DAB1: variants seen among roughly 807,000 people sequenced by gnomAD.
The protein encoded by DAB1 is disabled homolog 1.
Under a neutral mutation model 64.6 loss-of-function variants are expected in DAB1, and 15 were observed. The ratio of observed to expected loss-of-function variants is 0.23; its 90% CI spans 0.16 to 0.36. The LOEUF is 0.36. Ranked by LOEUF, DAB1 falls within the 10% of genes least tolerant of loss-of-function variation. The probability of loss-of-function intolerance (pLI) is 1.00; values close to 1 mark genes in which losing one functional copy is unlikely to be tolerated. For missense variants in DAB1, 596 were observed against 706.7 expected, an observed-to-expected ratio of 0.84 and a Z score of 1.78; for synonymous variants, 235 against 251.9, an observed-to-expected ratio of 0.93 and a Z score of 0.64.
intron 1 of DAB1, among the ~76,000 whole-genome samples, chr1:57,421,905 G>GGGGGGGGGGGTGGC (rs1558356112): frequency 1.0e-5 from 1 of 100,492 alleles, no homozygotes; most frequent in African/African-American, 4.0e-5. Context: ...GGGGTGGCGG[G>GGGGGGGGGGGTGGC]GGGGGGGGTG....
chr1:57,406,927 A>G (rs538091941), intron 1 of DAB1, among the ~76,000 whole-genome samples: 6,783 of 152,316 alleles, frequency 0.045, 226 homozygotes, highest in Middle Eastern at 0.072. Context: ...ATGCATGCAG[A>G]ATTCAATTCT....
chr1:57,553,019 G>T (rs1404755314), intron 7 of DAB1, among the ~76,000 whole-genome samples: 8 of 151,990 alleles, frequency 5.3e-5, no homozygotes, highest in Non-Finnish European at 8.8e-5. Context: ...TCCCAGACTG[G>T]GTATGTACGT....
At chr1:57,725,165 G>A (rs998122203) in intron 6 of DAB1, among the ~76,000 whole-genome samples, 8 of 152,134 alleles carry the variant, frequency 5.3e-5, no homozygotes, top group African/African-American at 1.2e-4. Flanking sequence ...TTGGGAAAGC[G>A]ATAACAATAA....
chr1:57,175,248 T>C lies in DAB1; in HGVS notation c.68-29819A>G, dbSNP rs547926489. On this transcript the variant is annotated intron_variant, in intron 2 of 14. Transcript: ENST00000371236. The stretch of plus-strand genomic sequence containing the variant: ...AAAAAGATCTATAACTGGATGTACA[T>C]TTATATTTCCAGTTGAAATAAAATT... 4.6e-5 allele frequency among the ~76,000 whole-genome samples: 7 copies of C among 152,284 alleles called. No homozygotes were observed. In the South Asian group the frequency reaches 6.2e-4, roughly 14 times the overall value.
chr1:58,190,229 T>C (rs994467060), intron 4 of DAB1, among the ~76,000 whole-genome samples: 7 of 152,174 alleles, frequency 4.6e-5, no homozygotes, highest in Admixed American at 6.5e-5. Flanking sequence ...ATATGCCAGA[T>C]ATAAGAAAGA....
chr1:58,530,118 T>G (rs929845979), intron 1 of DAB1, among the ~76,000 whole-genome samples: 2 of 152,178 alleles, frequency 1.3e-5, no homozygotes, highest in African/African-American at 4.8e-5. Context: ...CCTGACTTCG[T>G]GATCCACCCA....
chr1:57,436,353 CCAT>C (rs1189426422), intron 7 of DAB1, among the ~76,000 whole-genome samples: 1 of 152,166 alleles, frequency 6.6e-6, no homozygotes, highest in Non-Finnish European at 1.5e-5. Flanking sequence ...TCTTATAGGA[CCAT>C]CATCATATGA....
chr1:58,406,229 A>G (rs1480337837), intron 3 of DAB1, among the ~76,000 whole-genome samples: 1 of 151,746 alleles, frequency 6.6e-6, no homozygotes. Flanking sequence ...TCAGCTCCCC[A>G]CTCTGTGACC....
At chr1:57,106,361 G>A (rs907288881) in intron 4 of DAB1, among the ~76,000 whole-genome samples, 5 of 151,356 alleles carry the variant, frequency 3.3e-5, no homozygotes, top group African/African-American at 7.3e-5. Flanking sequence ...TCTACACAGC[G>A]GGTGGAAGGA....
intron 5 of DAB1, among the ~76,000 whole-genome samples, chr1:57,927,473 T>C (rs894908978): frequency 5.9e-5 from 9 of 152,038 alleles, no homozygotes; most frequent in Non-Finnish European, 1.2e-4. Flanking sequence ...ATCGCACCAC[T>C]GCACTCCACC....
chr1:57,675,355 G>C (rs1311152869), intron 6 of DAB1, among the ~76,000 whole-genome samples: 1 of 152,190 alleles, frequency 6.6e-6, no homozygotes, highest in African/African-American at 2.4e-5. Flanking sequence ...CATAGAAACA[G>C]CACAGTAAAT....
intron 2 of DAB1, among the ~76,000 whole-genome samples, chr1:57,170,885 C>A (rs917781708): frequency 1.3e-5 from 2 of 152,264 alleles, no homozygotes; most frequent in South Asian, 2.1e-4. Context: ...CTTCAAAAAT[C>A]CAATCTCTGC....
At chr1:57,553,372 G>A (rs1644937129) in intron 7 of DAB1, among the ~76,000 whole-genome samples, 1 of 15,036 alleles carries the variant, frequency 6.7e-5, no homozygotes, top group African/African-American at 1.1e-4. Context: ...AGAGAAGGAA[G>A]GAAGGAAGAA....
At chr1:58,040,827 C>A (rs549174038) in intron 5 of DAB1, among the ~76,000 whole-genome samples, 1 of 152,254 alleles carries the variant, frequency 6.6e-6, no homozygotes, top group South Asian at 2.1e-4. Flanking sequence ...CAAAAGGCAT[C>A]CACTTCAATT....
intron 1 of DAB1, among the ~76,000 whole-genome samples, chr1:57,366,722 T>C (rs955628705): frequency 1.3e-5 from 2 of 152,218 alleles, no homozygotes; most frequent in African/African-American, 4.8e-5. Context: ...ACTGTTATTA[T>C]TCTGACCTTA....
chr1:57,687,892 C>T (rs1387539416), intron 6 of DAB1, among the ~76,000 whole-genome samples: 2 of 152,108 alleles, frequency 1.3e-5, no homozygotes, highest in East Asian at 3.8e-4. Context: ...AGACCCACTA[C>T]TTTTCAGCAT....
At chr1:57,297,683 C>G (rs114596637) in intron 1 of DAB1, among the ~76,000 whole-genome samples, 3,813 of 152,108 alleles carry the variant, frequency 0.025, 159 homozygotes, top group African/African-American at 0.088. Context: ...GAGATTATTT[C>G]CAAATTAAGA....
chr1:58,546,079 C>T (rs1016099039), intron 1 of DAB1, among the ~76,000 whole-genome samples: 2 of 152,186 alleles, frequency 1.3e-5, no homozygotes, highest in African/African-American at 4.8e-5. Context: ...ACTGTTGCTC[C>T]ACACACAGGC....
chr1:57,623,022 G>T (rs1385333210), intron 7 of DAB1, among the ~76,000 whole-genome samples: 1 of 152,250 alleles, frequency 6.6e-6, no homozygotes, highest in Non-Finnish European at 1.5e-5. Context: ...TTATAGAAGG[G>T]CTATTAGTCT....
Sources: gnomAD v4.1 joint callset for allele counts (sites outside exome capture counted in the v4.1 genomes callset) on GRCh38, gnomAD v4.1.1 for gene constraint, MANE v1.5 for transcripts, NCBI Gene and HGNC (gene_info 2026-07-23, HGNC 2026-07-21) for gene names.